The following GPC6 variants were observed in gnomAD, a reference collection of about 807,000 sequenced individuals.
The protein encoded by GPC6 is glypican-6.
A neutral mutation model predicts 55.2 loss-of-function variants in GPC6; 14 were observed. The ratio of observed to expected loss-of-function variants is 0.25; its 90% confidence interval spans 0.17 to 0.40. The LOEUF (loss-of-function observed/expected upper bound fraction) is 0.40, where lower values mean the gene tolerates loss of function less well. GPC6 is among the 10% of genes least tolerant of loss of function. The pLI, the probability that GPC6 is intolerant of heterozygous loss-of-function variation, is 1.00. For missense variants in GPC6, 641 were observed against 708.5 expected (o/e 0.90, Z 1.08); for synonymous variants, 278 against 259.6 (o/e 1.07, Z -0.68).
At chr13:93,272,650 T>C (rs772420304) in intron 1 of GPC6, among the ~76,000 whole-genome samples, 3 of 152,030 alleles carry the variant, frequency 2.0e-5, no homozygotes, top group Non-Finnish European at 2.9e-5. Flanking sequence ...AGAGTGGAGC[T>C]CCAACAATTT....
chr13:94,092,375 G>A (rs1038915555), intron 4 of GPC6, among the ~76,000 whole-genome samples: 1 of 152,030 alleles, frequency 6.6e-6, no homozygotes, highest in Non-Finnish European at 1.5e-5. Flanking sequence ...CCATATAAGT[G>A]AGATCATGCA....
chr13:94,288,206 T>C (rs1310114763), intron 5 of GPC6, among the ~76,000 whole-genome samples: 1 of 152,018 alleles, frequency 6.6e-6, no homozygotes, highest in African/African-American at 2.4e-5. Context: ...TAATAAGTAA[T>C]AGGAAGAAGC....
intron 3 of GPC6, among the ~76,000 whole-genome samples, chr13:93,839,295 G>T (rs559970714): frequency 9.2e-5 from 14 of 152,100 alleles, no homozygotes; most frequent in African/African-American, 3.1e-4. Context: ...TTACTGTTTT[G>T]CCACAAGATA....
intron 1 of GPC6, among the ~76,000 whole-genome samples, chr13:93,344,855 T>C (rs1880376172): frequency 6.6e-6 from 1 of 152,146 alleles, no homozygotes; most frequent in Non-Finnish European, 1.5e-5. Context: ...CTTTCACTTA[T>C]CACAAAAGCC....
intron 1 of GPC6, among the ~76,000 whole-genome samples, chr13:93,474,651 G>T (rs1879240531): frequency 6.6e-6 from 1 of 152,014 alleles, no homozygotes; most frequent in African/African-American, 2.4e-5. Context: ...TTGGATTAAT[G>T]GTATTTTGAA....
chr13:93,230,692 G>C (rs1348683011), intron 1 of GPC6, among the ~76,000 whole-genome samples: 1 of 152,134 alleles, frequency 6.6e-6, no homozygotes, highest in East Asian at 1.9e-4. Context: ...TGTTAGGAGA[G>C]TTACTCTCAT....
intron 2 of GPC6, among the ~76,000 whole-genome samples, chr13:93,779,753 T>C (rs1213178759): frequency 1.3e-5 from 2 of 152,162 alleles, no homozygotes; most frequent in African/African-American, 4.8e-5. Context: ...GCCACCTTTG[T>C]CCCCAATTTT....
intron 1 of GPC6, among the ~76,000 whole-genome samples, chr13:93,350,913 A>G (rs980368371): frequency 1.3e-5 from 2 of 152,102 alleles, no homozygotes; most frequent in Non-Finnish European, 2.9e-5. Flanking sequence ...TCAGATGATG[A>G]CAAAGAGTCA....
chr13:93,793,035 G>A (rs948602071), intron 2 of GPC6, among the ~76,000 whole-genome samples: 1 of 152,140 alleles, frequency 6.6e-6, no homozygotes, highest in Non-Finnish European at 1.5e-5. Context: ...CAAGAATAAT[G>A]CCGGCGAAAT....
At chr13:94,068,794 C>G (rs1884627037) in intron 4 of GPC6, among the ~76,000 whole-genome samples, 1 of 152,174 alleles carries the variant, frequency 6.6e-6, no homozygotes, top group African/African-American at 2.4e-5. Context: ...CCAGGTCACA[C>G]TGATGGAAGA....
chr13:94,066,599 T>C (rs2138776130), intron 4 of GPC6, among the ~76,000 whole-genome samples: 1 of 152,320 alleles, frequency 6.6e-6, no homozygotes, highest in South Asian at 2.1e-4. Flanking sequence ...AACGTTGTCC[T>C]CACTAAGTCA....
intron 2 of GPC6, among the ~76,000 whole-genome samples, chr13:93,812,224 A>T (rs1886718454): frequency 1.3e-5 from 2 of 151,600 alleles, no homozygotes; most frequent in Non-Finnish European, 2.9e-5. Context: ...CCCTGTCTCT[A>T]CTAAAAATAC....
intron 3 of GPC6, chr13:93,835,910 A>C (rs2138990228): frequency 6.6e-6 from 1 of 152,306 alleles, no homozygotes; most frequent in Admixed American, 6.5e-5. Flanking sequence ...GGATCCATAT[A>C]ACTTGAACTA....
intron 6 of GPC6, among the ~76,000 whole-genome samples, chr13:94,330,865 G>T (rs1361756699): frequency 6.6e-6 from 1 of 151,992 alleles, no homozygotes; most frequent in Non-Finnish European, 1.5e-5. Flanking sequence ...TAGTGGGTTT[G>T]TTGGGTTGAT....
At chr13:93,758,864 G>A (rs899864448) in intron 2 of GPC6, among the ~76,000 whole-genome samples, 1 of 152,044 alleles carries the variant, frequency 6.6e-6, no homozygotes, top group Non-Finnish European at 1.5e-5. Context: ...TTGTTCGCAG[G>A]TTTAATTTTT....
Position 93,274,864 on chromosome 13 carries a change from C to T in GPC6, c.160+47248C>T, listed in dbSNP as rs546629175. 2.3e-4 allele frequency among the ~76,000 whole-genome samples: 35 copies of T among 152,226 alleles called. No individual in the cohort carries two copies. In the South Asian group the frequency reaches 7.0e-3, roughly 31 times the overall value. ...TCTAATTTTGATATAATTTCCTGTG[C>T]TTTCAAAGTGCTTTAACATAGTAAT... is the stretch of plus-strand genomic sequence containing the variant. On this transcript the variant is annotated intron_variant, in intron 1 of 8. Coordinates refer to ENST00000377047, the MANE Select transcript of GPC6 (RefSeq NM_005708.5).
At chr13:93,251,332 T>C (rs1594053119) in intron 1 of GPC6, among the ~76,000 whole-genome samples, 1 of 152,248 alleles carries the variant, frequency 6.6e-6, no homozygotes, top group East Asian at 1.9e-4. Flanking sequence ...ACTAAAGAGA[T>C]GATGTAACAG....
rs183166749 is a variant in GPC6 at position 94,026,135 on chromosome 13, C to T, written c.712-1594C>T. On this transcript the variant is annotated intron_variant, in intron 3 of 8. Transcript: ENST00000377047. ...ATTTTGGAAAGAAAATGCAAAAAAA[C>T]TCAAAAGGACAACTAGAAATTTTAG... Among the ~76,000 whole-genome samples the T allele has an allele frequency of 2.5e-3, 376 of 152,164 alleles. 2 individuals are homozygous for T. The highest frequency in any genetic ancestry group is 8.9e-3 in the African/African-American group (369 of 41,542).
intron 3 of GPC6, among the ~76,000 whole-genome samples, chr13:93,858,687 A>G (rs935268961): frequency 6.6e-6 from 1 of 151,626 alleles, no homozygotes; most frequent in Non-Finnish European, 1.5e-5. Flanking sequence ...AACAGTTTGC[A>G]AAAGAGTATG....
Sources: gnomAD v4.1 joint callset for allele counts (sites outside exome capture counted in the v4.1 genomes callset) on GRCh38, gnomAD v4.1.1 for gene constraint, MANE v1.5 for transcripts, NCBI Gene and HGNC (gene_info 2026-07-23, HGNC 2026-07-21) for gene names.